Variants in SET observed in about 807,000 individuals in gnomAD.
SET encodes protein SET.
SET carries 4 observed loss-of-function variants against 39.0 expected under a neutral mutation model. The observed-to-expected ratio is 0.10, with a 90% CI of 0.05 to 0.23. SET has a LOEUF of 0.23. Ranked by LOEUF, SET falls within the 10% of genes least tolerant of loss-of-function variation. The pLI is 1.00. For missense variants in SET, 137 were observed against 329.7 expected, an observed-to-expected ratio of 0.42 and a Z score of 4.53; for synonymous variants, 114 against 115.9, an observed-to-expected ratio of 0.98 and a Z score of 0.11.
chr9:128,690,009 C>T, intron 1 of SET: 2 of 1,022,822 alleles, frequency 2.0e-6, no homozygotes, highest in Non-Finnish European at 2.4e-6. Context: ...TCCCATCAGC[C>T]GCCGCCGCCG....
At position 128,694,015 on chromosome 9, in the gene SET, AGAT is replaced by A. The variant is rs573205355; in HGVS notation, c.792_794del (p.Asp264del). The A allele has an allele frequency of 1.8e-4, 277 of 1,538,646 alleles. 1 individual carries two copies. Among genetic ancestry groups the A allele is most frequent in the African/African-American group, 3.7e-4 (27 of 72,946 alleles). On this transcript the variant is annotated inframe_deletion, in exon 7 of 8. Coordinates refer to ENST00000322030, the MANE Select transcript of SET (RefSeq NM_003011.4). ...ATGAGGATGAAGGTGAAGAAGATGAAGATGATGATGAAGGGGAGGAAGGAGAGG... is the reference window on the plus strand; with the variant it reads ...ATGAGGATGAAGGTGAAGAAGATGAAGATGATGAAGGGGAGGAAGGAGAGG...
At position 128,689,504 on chromosome 9, in the gene SET, AG is replaced by A; in HGVS notation, c.-75del. 1.4e-6 allele frequency: 1 copy of A among 695,006 alleles called. No homozygotes were observed. The highest frequency in any genetic ancestry group is 2.0e-6 in the Non-Finnish European group (1 of 498,490). 43.1% of individuals were successfully genotyped at this position (695,006 alleles called of 1,614,324 possible). A position where few individuals can be genotyped will look rare whatever the true frequency, so the allele number is the denominator to read the frequency against. On this transcript the variant is annotated 5_prime_UTR_variant, in exon 1 of 8. Transcript: ENST00000322030. ...AGCGGGCGCCCGCGCGTGTGGCGTG[AG>A]GGGAAGCCGCTTGCCCGCCCCCTTC...
chr9:128,696,309 T>A lies in SET; in HGVS notation c.*1645T>A, dbSNP rs1861738280. 1 of 191,322 alleles carries A rather than the reference T, an allele frequency of 5.2e-6. No individual in the cohort carries two copies. The highest frequency in any genetic ancestry group is 2.3e-5 in the African/African-American group (1 of 43,304). 11.9% of individuals were successfully genotyped at this position (191,322 alleles called of 1,614,324 possible). ...CTATCTAGATGGATAGTATGTAATTTCTGCACAGGTCTCTGTTTAGTAAAT... is the reference window on the plus strand; with the variant it reads ...CTATCTAGATGGATAGTATGTAATTACTGCACAGGTCTCTGTTTAGTAAAT... On this transcript the variant is annotated 3_prime_UTR_variant, in exon 8 of 8. Transcript: ENST00000322030.
intron 7 of SET, 39 bp downstream of exon 7, chr9:128,694,081 T>C (rs978378922): frequency 4.8e-6 from 7 of 1,451,476 alleles, no homozygotes; most frequent in African/African-American, 3.0e-5. Flanking sequence ...AGATAACTTT[T>C]AAAGAATTCA....
At chr9:128,685,216 G>A (rs761195232), upstream of SET, 1 of 1,598,696 alleles carries the variant, frequency 6.3e-7, no homozygotes, top group Middle Eastern at 1.7e-4. Context: ...CTTGCTGGGT[G>A]AGCCACATAA....
intron 7 of SET, 147 bp from the exon 8 acceptor site, chr9:128,694,494 T>A (rs895177308): frequency 7.5e-6 from 4 of 536,022 alleles, no homozygotes; most frequent in Admixed American, 6.0e-5. Context: ...TGAAGCAACA[T>A]CATCACGGGT....
rs532089372 is a variant in SET, at chr9:128,694,550, C to T, written c.811-91C>T. On this transcript the variant is annotated intron_variant, in intron 7 of 7. Coordinates refer to ENST00000322030, the MANE Select transcript of SET (RefSeq NM_003011.4). ...CTTACAGGTTTAGAAACTGGAGTGC[C>T]CCCAGGGGCACTCGTGGGGTCCATT... The T allele has an allele frequency of 2.0e-4, 157 of 792,796 alleles. 2 individuals carry two copies. The South Asian group carries it at 2.6e-3, about 13-fold the overall frequency. 49.1% of individuals were successfully genotyped at this position (792,796 alleles called of 1,614,324 possible). A position where few individuals can be genotyped will look rare whatever the true frequency, so the allele number is the denominator to read the frequency against.
chr9:128,683,680 G>A, exon 1 of SET: 1 of 472,272 alleles, frequency 2.1e-6, no homozygotes, highest in South Asian at 2.9e-5. Context: ...GAGGCAGAGA[G>A]CAACTAAAAG....
rs754236452 is a variant in SET at position 128,691,981 on chromosome 9, A to G, written c.255A>G (p.Thr85=). The G allele has an allele frequency of 3.5e-5, 56 of 1,613,802 alleles. No homozygotes were observed. Among genetic ancestry groups the G allele is most frequent in the Non-Finnish European group, 4.7e-5 (55 of 1,179,904 alleles). ...IAKIPNFWVT[T]FVNHPQVSAL... ...AAATCCCAAATTTTTGGGTAACAAC[A>G]TTTGTCAACCATCCACAAGGTATGT... Residue 85 remains threonine, a synonymous_variant, in exon 3 of 8, where the codon ACA becomes ACG. Transcript: ENST00000322030.
At chr9:128,694,281 G>C (rs765912038) in intron 7 of SET, among the ~76,000 whole-genome samples, 31 of 152,006 alleles carry the variant, frequency 2.0e-4, no homozygotes, top group Non-Finnish European at 2.9e-4. Context: ...CACCACCCAA[G>C]CTTGTTTTTC....
upstream of SET, among the ~76,000 whole-genome samples, chr9:128,688,673 T>A (rs948498393): frequency 6.6e-6 from 1 of 152,314 alleles, no homozygotes; most frequent in South Asian, 2.1e-4. Flanking sequence ...GGGCTTGGAC[T>A]AAAACCCAGG....
chr9:128,693,981 A>C lies in SET; in HGVS notation c.749A>C (p.Glu250Ala). 1 of 1,557,688 alleles carries C rather than the reference A, an allele frequency of 6.4e-7. No homozygotes were observed. The highest frequency in any genetic ancestry group is 8.8e-7 in the Non-Finnish European group (1 of 1,131,430). The change falls in exon 7 of 8, where the codon GAA becomes GCA. Residue 250 changes from glutamate (E) to alanine (A), a missense_variant. Transcript: ENST00000322030. ...EEEEGLEDID[E>A]EGDEDEGEED... ...GAGGAAGGATTAGAAGATATTGACG[A>C]AGAAGGGGATGAGGATGAAGGTGAA...
Position 128,689,514 on chromosome 9 carries a change from G to T in SET, c.-69G>T. Reference sequence around the variant, plus strand: ...CGCGCGTGTGGCGTGAGGGGAAGCCGCTTGCCCGCCCCCTTCGCCTTCCCT... The same window carrying T: ...CGCGCGTGTGGCGTGAGGGGAAGCCTCTTGCCCGCCCCCTTCGCCTTCCCT... On this transcript the variant is annotated 5_prime_UTR_variant, in exon 1 of 8. Transcript: ENST00000322030. 2.6e-6 allele frequency: 2 copies of T among 779,668 alleles called. No individual in the cohort carries two copies. The highest frequency in any genetic ancestry group is 2.6e-5 in the South Asian group (1 of 38,026). 48.3% of individuals were successfully genotyped at this position (779,668 alleles called of 1,614,324 possible).
intron 3 of SET, chr9:128,692,241 T>A: frequency 5.1e-6 from 2 of 394,974 alleles, no homozygotes; most frequent in East Asian, 4.5e-5. Flanking sequence ...ACAAAAAAAA[T>A]TAGCTGGGCG....
chr9:128,690,787 G>T, intron 1 of SET: 1 of 216,556 alleles, frequency 4.6e-6, no homozygotes, highest in Non-Finnish European at 9.4e-6. Context: ...CATGGGTTTA[G>T]TTTCCATATT....
intron 1 of SET, chr9:128,690,457 G>A (rs1861487417): frequency 6.6e-6 from 1 of 152,618 alleles, no homozygotes; most frequent in Non-Finnish European, 1.5e-5. Flanking sequence ...GTCTTTACAG[G>A]ACAAAAGGGC....
At chr9:128,690,057 T>A in intron 1 of SET, 1 of 930,528 alleles carries the variant, frequency 1.1e-6, no homozygotes, top group Non-Finnish European at 1.3e-6. Context: ...GCGCCCGACC[T>A]CCCGCGCGGT....
upstream of SET, among the ~76,000 whole-genome samples, chr9:128,688,520 A>G (rs1861366414): frequency 6.6e-6 from 1 of 150,568 alleles, no homozygotes; most frequent in African/African-American, 2.4e-5. Context: ...GGCGCTGGGC[A>G]CCGCGGACTA....
Position 128,694,883 on chromosome 9 carries a change from C to T in SET, c.*219C>T, listed in dbSNP as rs867662407. On this transcript the variant is annotated 3_prime_UTR_variant, in exon 8 of 8. Transcript: ENST00000322030. ...AAAAGAGTCTCTACCCCTTTCTGTT[C>T]GAAGTTCATTTTTATCCCTTCCTGT... is the stretch of plus-strand genomic sequence containing the variant. 13 of 412,200 alleles carry T rather than the reference C, an allele frequency of 3.2e-5. No homozygotes were observed. Among genetic ancestry groups the T allele is most frequent in the East Asian group, 1.5e-4 (4 of 26,826 alleles). 25.5% of individuals were successfully genotyped at this position (412,200 alleles called of 1,614,324 possible).
Sources: allele counts gnomAD v4.1 joint callset (sites outside exome capture counted in the v4.1 genomes callset), GRCh38; gene constraint gnomAD v4.1.1; transcripts MANE v1.5; gene names NCBI Gene and HGNC (gene_info 2026-07-23, HGNC 2026-07-21).